MAPK4: variants seen among roughly 807,000 people sequenced by gnomAD.
MAPK4 encodes the protein Erk3-related.
MAPK4 carries 22 observed loss-of-function variants against 47.7 expected under a neutral mutation model. The ratio of observed to expected loss-of-function variants is 0.46; its 90% CI spans 0.33 to 0.66. The LOEUF (loss-of-function observed/expected upper bound fraction) is 0.66. Among genes scored for constraint, MAPK4 ranks in the 30% least tolerant of loss-of-function variants. The pLI, the probability that MAPK4 is intolerant of heterozygous loss-of-function variation, is 0.02. For missense variants in MAPK4, 736 were observed against 831.7 expected, an observed-to-expected ratio of 0.88 and a Z score of 1.42; for synonymous variants, 390 against 365.7, an observed-to-expected ratio of 1.07 and a Z score of -0.76.
At position 50,602,599 on chromosome 18, in the gene MAPK4, G is replaced by T. The variant is rs891676563; in HGVS notation, c.-871+42356G>T. On this transcript the variant is annotated intron_variant, in intron 1 of 5. Transcript: ENST00000400384. ...TTAGCATTTGAAATATCCTAATCAG[G>T]AATCAACATTCCAGAGGTAGTTATT... Among the ~76,000 whole-genome samples the T allele has an allele frequency of 5.3e-5, 8 of 152,286 alleles. 1 individual carries two copies. The East Asian group carries it at 7.7e-4, about 15-fold the overall frequency.
rs1451160999 is a variant in MAPK4 at position 50,664,450 on chromosome 18, C to G, written c.492C>G (p.Leu164=). 7.4e-6 allele frequency: 12 copies of G among 1,612,662 alleles called. No homozygotes were observed. Among genetic ancestry groups the G allele is most frequent in the Non-Finnish European group, 1.0e-5 (12 of 1,179,128 alleles). ...NIFISTEDLV[L]KIGDFGLARI... is the part of the protein sequence containing the mutation. ...TCATCAGCACAGAGGACCTCGTGCT[C>G]AAGATTGGGGATTTCGGGTTGGCAA... Residue 164 remains leucine, a synonymous_variant, in exon 2 of 6, where the codon CTC becomes CTG. Coordinates refer to ENST00000400384, the MANE Select transcript of MAPK4 (RefSeq NM_002747.4). The surrounding 1 kb of genome is among the most constrained non-coding windows in gnomAD (Gnocchi z 6.0).
intron 5 of MAPK4, 115 bp downstream of exon 5, chr18:50,726,290 G>C (rs192928403): frequency 1.1e-6 from 1 of 947,374 alleles, no homozygotes; most frequent in African/African-American, 1.6e-5. Context: ...CTCATTGGAC[G>C]ACTTCTCCAG....
chr18:50,685,013 C>T (rs1353999013), intron 2 of MAPK4, among the ~76,000 whole-genome samples: 1 of 152,206 alleles, frequency 6.6e-6, no homozygotes, highest in African/African-American at 2.4e-5. Context: ...CCTCTCTAAG[C>T]CTCCTAGCTC....
chr18:50,729,672 C>T lies in MAPK4; in HGVS notation c.1582C>T (p.Pro528Ser). 6.5e-7 allele frequency: 1 copy of T among 1,526,830 alleles called. No individual in the cohort carries two copies. The highest frequency in any genetic ancestry group is 8.8e-7 in the Non-Finnish European group (1 of 1,130,918). 94.6% of individuals were successfully genotyped at this position (1,526,830 alleles called of 1,614,324 possible). A position where few individuals can be genotyped will look rare whatever the true frequency, so the allele number is the denominator to read the frequency against. Residue 528 changes from proline to serine, a missense_variant, in exon 6 of 6, where the codon CCG becomes TCG. Pro to Ser is a moderately conservative substitution (Grantham distance 74). Around this residue, in one of 3 missense-constraint regions of MAPK4, gnomAD observed 377 missense variants for 378.6 expected, o/e 1.00. Transcript: ENST00000400384. ...TGCCTCGCCCCCCGGCCGCCCGGCC[C>T]CGGTGGACGGCGGCGCCAGCCCCCA... is the stretch of plus-strand genomic sequence containing the variant. ...LSASPPGRPA[P>S]VDGGASPQFD...
chr18:50,573,889 T>A (rs778498993), intron 1 of MAPK4, among the ~76,000 whole-genome samples: 4 of 152,204 alleles, frequency 2.6e-5, no homozygotes, highest in African/African-American at 4.8e-5. Context: ...AGTGGTGCTG[T>A]CTGGTATTTT....
intron 1 of MAPK4, among the ~76,000 whole-genome samples, chr18:50,605,455 C>A (rs1189550123): frequency 6.6e-6 from 1 of 152,192 alleles, no homozygotes. Context: ...GGTGGGTCCT[C>A]TGCTCTAGGG....
chr18:50,585,551 TGCAAAAGTATGA>T (rs1478373465), intron 1 of MAPK4, among the ~76,000 whole-genome samples: 2 of 152,188 alleles, frequency 1.3e-5, no homozygotes, highest in Non-Finnish European at 2.9e-5. Flanking sequence ...CCCCATAATG[TGCAAAAGTATGA>T]GTATGACCTT....
In MAPK4 at chr18:50,684,230, G is replaced by A. The variant is rs1908742676; in HGVS notation, c.546+19726G>A. 2.6e-5 allele frequency among the ~76,000 whole-genome samples: 4 copies of A among 152,276 alleles called. No homozygotes were observed. In the South Asian group the frequency reaches 8.3e-4, roughly 32 times the overall value. On this transcript the variant is annotated intron_variant, in intron 2 of 5. Transcript: ENST00000400384. The stretch of plus-strand genomic sequence containing the variant: ...CCCTTTTTTGCTTAAACTTATTTGA[G>A]TGGCTTCTGTTATTGCAATTAAGAA...
intron 2 of MAPK4, among the ~76,000 whole-genome samples, chr18:50,711,824 GTT>G (rs35984682): frequency 1.1e-4 from 16 of 141,000 alleles, no homozygotes; most frequent in Admixed American, 2.1e-4. Context: ...ATTCTTTAAA[GTT>G]TTTTTTTTTT....
chr18:50,715,099 G>A lies in MAPK4; in HGVS notation c.567G>A (p.Leu189=). The A allele has an allele frequency of 6.2e-7, 1 of 1,614,008 alleles. No homozygotes were observed. The highest frequency in any genetic ancestry group is 1.6e-4 in the Middle Eastern group (1 of 6,062). ...TTCAGGGTTATCTGTCAGAAGGGTTGGTAACAAAGTGGTACCGTTCCCCAC... is the reference window on the plus strand; with the variant it reads ...TTCAGGGTTATCTGTCAGAAGGGTTAGTAACAAAGTGGTACCGTTCCCCAC... The part of the protein sequence containing the change: ...YSHKGYLSEG[L]VTKWYRSPRL... Residue 189 remains leucine, a synonymous_variant, in exon 3 of 6, where the codon TTG becomes TTA. Transcript: ENST00000400384.
At chr18:50,689,882 A>G (rs1362451237) in intron 2 of MAPK4, among the ~76,000 whole-genome samples, 1 of 152,234 alleles carries the variant, frequency 6.6e-6, no homozygotes, top group Non-Finnish European at 1.5e-5. Flanking sequence ...ACATCCAATA[A>G]CAATAACAAC....
intron 1 of MAPK4, among the ~76,000 whole-genome samples, chr18:50,609,152 CTA>C (rs1376429893): frequency 6.6e-6 from 1 of 152,072 alleles, no homozygotes; most frequent in East Asian, 1.9e-4. Flanking sequence ...TCTGATTTCT[CTA>C]TCTTTTCCCC....
chr18:50,715,993 T>C (rs901843877), intron 3 of MAPK4, among the ~76,000 whole-genome samples: 2 of 152,188 alleles, frequency 1.3e-5, no homozygotes, highest in African/African-American at 4.8e-5. Flanking sequence ...AAGACCTCCT[T>C]CTCTGCTTAG....
chr18:50,680,337 C>A (rs747799386), intron 2 of MAPK4, among the ~76,000 whole-genome samples: 27 of 152,012 alleles, frequency 1.8e-4, no homozygotes, highest in Admixed American at 1.2e-3. Context: ...GGTACTCCGC[C>A]CACCTCAGCC....
chr18:50,633,710 A>G (rs765953556), intron 1 of MAPK4, among the ~76,000 whole-genome samples: 9 of 152,170 alleles, frequency 5.9e-5, no homozygotes, highest in Non-Finnish European at 1.3e-4. Flanking sequence ...AAATCTTACT[A>G]TAAAGTCCTG....
chr18:50,577,040 T>G (rs1283824600), intron 1 of MAPK4, among the ~76,000 whole-genome samples: 2 of 152,214 alleles, frequency 1.3e-5, no homozygotes, highest in African/African-American at 4.8e-5. Flanking sequence ...CCAAACTTGT[T>G]TGCACATTGG....
chr18:50,586,234 A>C (rs1049921074), intron 1 of MAPK4, among the ~76,000 whole-genome samples: 1 of 152,194 alleles, frequency 6.6e-6, no homozygotes, highest in Non-Finnish European at 1.5e-5. Context: ...TCTAATTGAC[A>C]TTAGTTTGTC....
chr18:50,603,382 C>T (rs540765332), intron 1 of MAPK4, among the ~76,000 whole-genome samples: 87 of 152,196 alleles, frequency 5.7e-4, no homozygotes, highest in Non-Finnish European at 7.4e-4. Context: ...TCTCCTCTCA[C>T]CCTGTGACCA....
rs368327562 is a variant in MAPK4 at position 50,729,735 on chromosome 18, C to A, written c.1645C>A (p.Leu549Ile). 1.3e-5 allele frequency: 21 copies of A among 1,599,264 alleles called. No individual in the cohort carries two copies. The highest frequency in any genetic ancestry group is 3.3e-4 in the Middle Eastern group (2 of 6,068). The change falls in exon 6 of 6, where the codon CTC becomes ATC. Residue 549 changes from leucine to isoleucine, a missense_variant. By Grantham distance (5) the Leu-to-Ile change is conservative (BLOSUM62 2). Transcript: ENST00000400384. ...CGTGTTCATCTCCCGCGCCCTGAAG[C>A]TCTGCACCAAGCCCGAGGACCTGCC... ...LDVFISRALK[L>I]CTKPEDLPDN...
Sources: allele counts gnomAD v4.1 joint callset (sites outside exome capture counted in the v4.1 genomes callset), GRCh38; gene constraint gnomAD v4.1.1; regional missense constraint gnomAD v4.1.1; non-coding constraint Gnocchi (gnomAD v3.1); transcripts MANE v1.5; gene names NCBI Gene and HGNC (gene_info 2026-07-23, HGNC 2026-07-21).